SOCS4: variants seen among roughly 807,000 people sequenced by gnomAD.
The protein encoded by SOCS4 is suppressor of cytokine signaling 4, also known as SH2 domain containing SOCS box protein.
A neutral mutation model predicts 34.1 loss-of-function variants in SOCS4; 20 were observed. The ratio of observed to expected loss-of-function variants is 0.59; its 90% CI spans 0.41 to 0.85. The LOEUF is 0.85. Among genes scored for constraint, SOCS4 ranks in the 40% least tolerant of loss-of-function variants. The pLI, the probability that SOCS4 is intolerant of heterozygous loss-of-function variation, is 0.00. For synonymous variants in SOCS4, 180 were observed against 186.4 expected (o/e 0.97, Z 0.28); for missense variants, 479 against 532.4 (o/e 0.90, Z 0.99).
intron 2 of SOCS4, among the ~76,000 whole-genome samples, chr14:55,041,615 C>G (rs763187616): frequency 3.3e-5 from 5 of 150,988 alleles, no homozygotes; most frequent in Non-Finnish European, 7.4e-5. Context: ...GCTGGGATTA[C>G]AGGCACCCGT....
intron 2 of SOCS4, among the ~76,000 whole-genome samples, chr14:55,032,531 C>T (rs2140242691): frequency 6.6e-6 from 1 of 150,800 alleles, no homozygotes; most frequent in South Asian, 2.1e-4. Flanking sequence ...AGAAATATGA[C>T]TTAAAAAAAA....
At chr14:55,028,140 A>G (rs1233904122) in intron 1 of SOCS4, among the ~76,000 whole-genome samples, 1 of 152,176 alleles carries the variant, frequency 6.6e-6, no homozygotes, top group African/African-American at 2.4e-5. Context: ...TTTTCTGTTG[A>G]AGAGGTTTCC....
At chr14:55,028,689 C>G (rs2042496139) in intron 1 of SOCS4, among the ~76,000 whole-genome samples, 1 of 152,200 alleles carries the variant, frequency 6.6e-6, no homozygotes, top group Admixed American at 6.5e-5. Flanking sequence ...GTCCACACAT[C>G]TGTCATTTTC....
At chr14:55,030,877 G>A (rs1276256833) in intron 1 of SOCS4, among the ~76,000 whole-genome samples, 4 of 152,030 alleles carry the variant, frequency 2.6e-5, no homozygotes, top group Non-Finnish European at 5.9e-5. Flanking sequence ...AAACAGTGTA[G>A]GTTGTTAATT....
rs766146411 is a variant in SOCS4 at position 55,043,720 on chromosome 14, G to C, written c.679G>C (p.Asp227His). The change falls in exon 3 of 3, where the codon GAT (aspartate) becomes CAT (histidine). Residue 227 changes from aspartate to histidine, a missense_variant. Physicochemically the swap from Asp to His is moderately conservative, Grantham distance 81. Coordinates refer to ENST00000555846, the MANE Select transcript of SOCS4 (RefSeq NM_199421.2). ...TTCAAATAACAGTATAGAAGATAGT[G>C]ATATGGATTCCGATGATGAAATTCT... The part of the protein sequence containing the change: ...LVSNNSIEDS[D>H]MDSDDEILTL... The C allele has an allele frequency of 4.5e-5, 72 of 1,614,040 alleles. No homozygotes were observed. The highest frequency in any genetic ancestry group is 5.8e-5 in the Non-Finnish European group (69 of 1,180,028).
At chr14:55,027,745 C>T (rs2042480231) in intron 1 of SOCS4, 1 of 152,242 alleles carries the variant, frequency 6.6e-6, no homozygotes, top group South Asian at 2.1e-4. Context: ...GGTTGGTTCT[C>T]TTGGTACCTG....
At chr14:55,041,714 C>G (rs2042619648) in intron 2 of SOCS4, among the ~76,000 whole-genome samples, 1 of 150,328 alleles carries the variant, frequency 6.7e-6, no homozygotes, top group African/African-American at 2.4e-5. Flanking sequence ...ACCTCATGAT[C>G]CACCCGCCTC....
chr14:55,046,224 T>C lies in SOCS4; in HGVS notation c.*1860T>C, dbSNP rs111256781. On this transcript the variant is annotated 3_prime_UTR_variant, in exon 3 of 3. Transcript: ENST00000555846. ...GTCTCATACTACCTCATCTTTATTG[T>C]GGCGCTTTTGTAGATCACTGAGAAG... 1,338 of 167,000 alleles carry C rather than the reference T, an allele frequency of 8.0e-3. 25 individuals are homozygous for C. The highest frequency in any genetic ancestry group is 0.046 in the South Asian group (222 of 4,832). 10.3% of individuals were successfully genotyped at this position (167,000 alleles called of 1,614,324 possible). A position where few individuals can be genotyped will look rare whatever the true frequency, so the allele number is the denominator to read the frequency against.
chr14:55,049,049 T>C lies in SOCS4; in HGVS notation c.*4685T>C, dbSNP rs544010009. The C allele has an allele frequency of 1.1e-4, 19 of 166,942 alleles. No individual in the cohort carries two copies. The South Asian group carries it at 1.9e-3, about 16-fold the overall frequency. The allele number at this position is 166,942 out of a possible 1,614,324, so 10.3% of individuals were successfully genotyped here. A position where few individuals can be genotyped will look rare whatever the true frequency, so the allele number is the denominator to read the frequency against. On this transcript the variant is annotated 3_prime_UTR_variant, in exon 3 of 3. Transcript: ENST00000555846. ...TTAGGCTCTGCAATTAGAGGAACAA[T>C]TGCAGTTTCCTCCTACCCTTCATAT...
intron 2 of SOCS4, among the ~76,000 whole-genome samples, chr14:55,038,941 A>G (rs2042595179): frequency 6.6e-6 from 1 of 152,118 alleles, no homozygotes; most frequent in Non-Finnish European, 1.5e-5. Context: ...CTGTACTTCT[A>G]TTTTATGACT....
In SOCS4 at chr14:55,048,891, C is replaced by T. The variant is rs150631668; in HGVS notation, c.*4527C>T. On this transcript the variant is annotated 3_prime_UTR_variant, in exon 3 of 3. Transcript: ENST00000555846. ...ATAATTGCTGTACAGCCATTGAGTA[C>T]TAACATGATGATAGGTTTTCAAAAT... 1 of 167,124 alleles carries T rather than the reference C, an allele frequency of 6.0e-6. No homozygotes were observed. The highest frequency in any genetic ancestry group is 1.5e-5 in the Non-Finnish European group (1 of 68,084). 10.4% of individuals were successfully genotyped at this position (167,124 alleles called of 1,614,324 possible). A position where few individuals can be genotyped will look rare whatever the true frequency, so the allele number is the denominator to read the frequency against.
Position 55,044,773 on chromosome 14 carries a change from T to C in SOCS4, c.*409T>C, listed in dbSNP as rs950915100. 3 of 167,508 alleles carry C rather than the reference T, an allele frequency of 1.8e-5. No homozygotes were observed. Among genetic ancestry groups the C allele is most frequent in the African/African-American group, 7.2e-5 (3 of 41,462 alleles). The allele number at this position is 167,508 out of a possible 1,614,324, so 10.4% of individuals were successfully genotyped here. ...TATGTCCTTTCCTACATGTAAAATA[T>C]TTTGTTAATCTATGCCATTAGTAGT... is the stretch of plus-strand genomic sequence containing the variant. On this transcript the variant is annotated 3_prime_UTR_variant, in exon 3 of 3. Coordinates refer to ENST00000555846, the MANE Select transcript of SOCS4 (RefSeq NM_199421.2).
intron 2 of SOCS4, among the ~76,000 whole-genome samples, chr14:55,034,669 T>TA (rs903432860): frequency 5.9e-5 from 9 of 151,540 alleles, no homozygotes; most frequent in South Asian, 4.2e-4. Context: ...CCGTCTCTAC[T>TA]AAAAAAAACT....
At chr14:55,029,125 C>G (rs2042505251) in intron 1 of SOCS4, among the ~76,000 whole-genome samples, 1 of 152,102 alleles carries the variant, frequency 6.6e-6, no homozygotes, top group African/African-American at 2.4e-5. Flanking sequence ...CAAATGGCTA[C>G]AAATTGTAAT....
At chr14:55,037,179 C>G (rs2042579854) in intron 2 of SOCS4, among the ~76,000 whole-genome samples, 1 of 149,476 alleles carries the variant, frequency 6.7e-6, no homozygotes, top group Non-Finnish European at 1.5e-5. Context: ...GAGTCTCACT[C>G]TGTCGCCCAG....
chr14:55,028,503 A>G (rs935490512), intron 1 of SOCS4, among the ~76,000 whole-genome samples: 1 of 152,102 alleles, frequency 6.6e-6, no homozygotes, highest in Non-Finnish European at 1.5e-5. Context: ...GCTAGAGTAC[A>G]TAGAGTTCAA....
rs890708024 is a variant in SOCS4 at position 55,037,501 on chromosome 14, A to AT, written c.-90-5441dup. On this transcript the variant is annotated intron_variant, in intron 2 of 2. Transcript: ENST00000555846. ...TAGTTGTCTCCACCTCTTTTTTTTT[A>AT]TTTTTTTTTTAGAAGGAATTTCACT... Among the ~76,000 whole-genome samples, 750 of 142,218 alleles carry AT rather than the reference A, an allele frequency of 5.3e-3. 4 individuals are homozygous for AT. The highest frequency in any genetic ancestry group is 0.017 in the African/African-American group (659 of 38,504). 93.3% of individuals were successfully genotyped at this position (142,218 alleles called of 152,430 possible).
chr14:55,040,025 T>G (rs534002682), intron 2 of SOCS4, among the ~76,000 whole-genome samples: 17 of 152,302 alleles, frequency 1.1e-4, no homozygotes, highest in African/African-American at 3.8e-4. Context: ...TGAAGTTCAT[T>G]TAGTAAATAA....
rs1420939757 is a variant in SOCS4, at chr14:55,045,755, T to G, written c.*1391T>G. 6.0e-6 allele frequency: 1 copy of G among 167,020 alleles called. No homozygotes were observed. Among genetic ancestry groups the G allele is most frequent in the Non-Finnish European group, 1.5e-5 (1 of 68,028 alleles). The allele number at this position is 167,020 out of a possible 1,614,324, so 10.3% of individuals were successfully genotyped here. A position where few individuals can be genotyped will look rare whatever the true frequency, so the allele number is the denominator to read the frequency against. On this transcript the variant is annotated 3_prime_UTR_variant, in exon 3 of 3. Transcript: ENST00000555846. ...TTCTGGTGAGCTGTCTAACCCTTTG[T>G]ACACATTGACATTTTTAATATCGTA...
Sources: allele counts gnomAD v4.1 joint callset (sites outside exome capture counted in the v4.1 genomes callset), GRCh38; gene constraint gnomAD v4.1.1; transcripts MANE v1.5; gene names NCBI Gene and HGNC (gene_info 2026-07-23, HGNC 2026-07-21).